OPCML: variants seen among roughly 807,000 people sequenced by gnomAD.
The protein encoded by OPCML is opioid-binding protein/cell adhesion molecule.
A neutral mutation model predicts 37.8 loss-of-function variants in OPCML; 13 were observed. The ratio of observed to expected loss-of-function variants is 0.34; its 90% CI spans 0.22 to 0.55. The LOEUF is 0.55. Ranked by LOEUF, OPCML falls within the 20% of genes least tolerant of loss-of-function variation. The pLI is 0.91. For missense variants in OPCML, 341 were observed against 435.6 expected, an observed-to-expected ratio of 0.78 and a Z score of 1.93; for synonymous variants, 176 against 168.8, an observed-to-expected ratio of 1.04 and a Z score of -0.33.
chr11:132,510,370 G>T (rs965440729), intron 4 of OPCML, among the ~76,000 whole-genome samples: 1 of 152,148 alleles, frequency 6.6e-6, no homozygotes, highest in African/African-American at 2.4e-5. Context: ...TTGGGGGACT[G>T]TTGGGAAGGC....
At chr11:132,632,241 ATTTTTTT>A (rs67176157) in intron 3 of OPCML, among the ~76,000 whole-genome samples, 57 of 111,564 alleles carry the variant, frequency 5.1e-4, no homozygotes, top group African/African-American at 1.7e-3. Context: ...ATTCAAACAC[ATTTTTTT>A]TTTTTTTTTT....
At chr11:133,217,026 A>T (rs1445795723) in intron 1 of OPCML, among the ~76,000 whole-genome samples, 1 of 152,146 alleles carries the variant, frequency 6.6e-6, no homozygotes. Context: ...GGCTTGGTTT[A>T]ACTTGCAGAT....
chr11:133,321,334 G>A (rs752234601), intron 1 of OPCML, among the ~76,000 whole-genome samples: 11 of 152,120 alleles, frequency 7.2e-5, no homozygotes, highest in East Asian at 1.9e-4. Flanking sequence ...AGCTTCAAAG[G>A]TTTCATTTCC....
intron 4 of OPCML, among the ~76,000 whole-genome samples, chr11:132,528,112 T>C (rs1042623516): frequency 6.6e-6 from 1 of 152,162 alleles, no homozygotes; most frequent in Non-Finnish European, 1.5e-5. Flanking sequence ...AATCACACAG[T>C]TTTGAGTATT....
chr11:132,721,739 C>T (rs1004740934), intron 2 of OPCML, among the ~76,000 whole-genome samples: 5 of 151,958 alleles, frequency 3.3e-5, no homozygotes, highest in Admixed American at 6.6e-5. Context: ...GGGTAGAAAC[C>T]GGACTGCTGT....
intron 2 of OPCML, among the ~76,000 whole-genome samples, chr11:132,706,047 C>G (rs551163697): frequency 1.8e-4 from 28 of 152,258 alleles, no homozygotes; most frequent in African/African-American, 6.5e-4. Flanking sequence ...ACCTCATGAT[C>G]CACACACCTC....
intron 1 of OPCML, among the ~76,000 whole-genome samples, chr11:133,383,269 C>T (rs1349252281): frequency 6.6e-6 from 1 of 152,150 alleles, no homozygotes; most frequent in Non-Finnish European, 1.5e-5. Flanking sequence ...GCTCATTCCT[C>T]GATCCCCATT....
At chr11:132,509,782 G>T (rs2096264923) in intron 4 of OPCML, among the ~76,000 whole-genome samples, 1 of 152,192 alleles carries the variant, frequency 6.6e-6, no homozygotes, top group Admixed American at 6.5e-5. Flanking sequence ...GTTTGCTGCA[G>T]GGGTGGGGCC....
At chr11:133,353,466 C>T (rs1466543387) in intron 1 of OPCML, among the ~76,000 whole-genome samples, 1 of 152,090 alleles carries the variant, frequency 6.6e-6, no homozygotes, top group Non-Finnish European at 1.5e-5. Flanking sequence ...AGCCTGTAAG[C>T]CCCTGTTTTG....
chr11:132,453,875 T>G (rs1250945490), intron 4 of OPCML, among the ~76,000 whole-genome samples: 1 of 152,184 alleles, frequency 6.6e-6, no homozygotes, highest in African/African-American at 2.4e-5. Flanking sequence ...GGTTATTTCC[T>G]TACTGGTACT....
chr11:132,517,421 T>C (rs2096282481), intron 4 of OPCML, among the ~76,000 whole-genome samples: 1 of 152,142 alleles, frequency 6.6e-6, no homozygotes, highest in Non-Finnish European at 1.5e-5. Flanking sequence ...TAAGATTCCT[T>C]CAACATCTGG....
At chr11:133,315,337 C>T (rs1943180068) in intron 1 of OPCML, among the ~76,000 whole-genome samples, 2 of 152,192 alleles carry the variant, frequency 1.3e-5, no homozygotes, top group African/African-American at 2.4e-5. Flanking sequence ...TATAAAATCG[C>T]CTTGACCACT....
intron 1 of OPCML, among the ~76,000 whole-genome samples, chr11:133,096,253 T>TA (rs1367174868): frequency 1.3e-5 from 2 of 151,998 alleles, no homozygotes; most frequent in African/African-American, 4.8e-5. Flanking sequence ...GAACTACCTT[T>TA]AAGATACTTC....
At chr11:132,954,935 C>T (rs542442601) in intron 1 of OPCML, among the ~76,000 whole-genome samples, 11 of 152,190 alleles carry the variant, frequency 7.2e-5, no homozygotes, top group East Asian at 1.9e-4. Context: ...GAGTGGCTAG[C>T]GGCATCCACT....
At chr11:132,434,985 C>A (rs551573622) in intron 7 of OPCML, among the ~76,000 whole-genome samples, 1 of 152,210 alleles carries the variant, frequency 6.6e-6, no homozygotes, top group African/African-American at 2.4e-5. Context: ...TGAAAGCCAT[C>A]ATATTCTACA....
chr11:133,528,943 C>T (rs2120755392), intron 1 of OPCML, among the ~76,000 whole-genome samples: 1 of 152,352 alleles, frequency 6.6e-6, no homozygotes, highest in South Asian at 2.1e-4. Flanking sequence ...GCAATCCTTG[C>T]ATCATGGTGC....
At chr11:132,652,366 A>ACACG (rs1941473117) in intron 3 of OPCML, among the ~76,000 whole-genome samples, 1 of 150,576 alleles carries the variant, frequency 6.6e-6, no homozygotes, top group Non-Finnish European at 1.5e-5. Flanking sequence ...ACACACACAC[A>ACACG]CACACACACA....
chr11:132,944,571 C>T lies in OPCML; in HGVS notation c.62-1561G>A, dbSNP rs185767063. ...ATGCAACATTGTCCCTGTCCTACAC[C>T]TTATCGTGGTAAAAAGCAAGGGCTG... On this transcript the variant is annotated intron_variant, in intron 1 of 7. Transcript: ENST00000524381. 7.8e-4 allele frequency among the ~76,000 whole-genome samples: 119 copies of T among 152,354 alleles called. 2 individuals carry two copies. Among genetic ancestry groups the T allele is most frequent in the Middle Eastern group, 3.4e-3 (1 of 294 alleles).
At chr11:132,480,295 G>T (rs1166354646) in intron 4 of OPCML, among the ~76,000 whole-genome samples, 1 of 152,146 alleles carries the variant, frequency 6.6e-6, no homozygotes, top group Non-Finnish European at 1.5e-5. Flanking sequence ...TGAATGAAAT[G>T]AAGCAAGAAG....
Sources: allele counts gnomAD v4.1 joint callset (sites outside exome capture counted in the v4.1 genomes callset), GRCh38; gene constraint gnomAD v4.1.1; transcripts MANE v1.5; gene names NCBI Gene and HGNC (gene_info 2026-07-23, HGNC 2026-07-21).